The following CHFR variants were observed in gnomAD, a reference collection of about 807,000 sequenced individuals.
CHFR encodes the protein E3 ubiquitin-protein ligase CHFR.
In CHFR, 57 loss-of-function variants were observed where a neutral mutation model predicts 87.6. The ratio of observed to expected loss-of-function variants is 0.65; its 90% confidence interval spans 0.53 to 0.81. CHFR has a LOEUF of 0.81. CHFR is among the 30% of genes least tolerant of loss of function. CHFR has a pLI of 0.00. For synonymous variants in CHFR, 381 were observed against 359.2 expected, an observed-to-expected ratio of 1.06 and a Z score of -0.69; for missense variants, 797 against 865.8, an observed-to-expected ratio of 0.92 and a Z score of 1.00.
intron 7 of CHFR, among the ~76,000 whole-genome samples, chr12:132,860,847 G>C (rs1951194820): frequency 6.6e-6 from 1 of 152,156 alleles, no homozygotes; most frequent in Non-Finnish European, 1.5e-5. Flanking sequence ...CCACCTGCCG[G>C]GTTCAAGCAA....
At chr12:132,857,877 C>CG (rs1363460601) in intron 8 of CHFR, among the ~76,000 whole-genome samples, 1 of 152,222 alleles carries the variant, frequency 6.6e-6, no homozygotes, top group African/African-American at 2.4e-5. Context: ...CCTTCCTCAG[C>CG]GGCTCCTACG....
intron 4 of CHFR, among the ~76,000 whole-genome samples, chr12:132,871,347 A>T (rs890128060): frequency 2.0e-5 from 3 of 151,234 alleles, no homozygotes; most frequent in African/African-American, 4.9e-5. Flanking sequence ...AGCTACCTGG[A>T]AGGCTGAGGC....
intron 11 of CHFR, among the ~76,000 whole-genome samples, chr12:132,851,965 A>G (rs911594911): frequency 6.6e-6 from 1 of 151,798 alleles, no homozygotes; most frequent in Non-Finnish European, 1.5e-5. Flanking sequence ...CTGGAGCAAG[A>G]TTTCAAAGAT....
Position 132,851,672 on chromosome 12 carries a change from T to A in CHFR, c.1438A>T (p.Met480Leu). The A allele has an allele frequency of 6.2e-7, 1 of 1,613,380 alleles. No individual in the cohort carries two copies. The highest frequency in any genetic ancestry group is 8.5e-7 in the Non-Finnish European group (1 of 1,179,958). The change falls in exon 12 of 18, where the codon ATG becomes TTG. Residue 480 changes from methionine (M) to leucine (L), a missense_variant. This residue lies in a region of CHFR where 200 missense variants were observed against 264.6 expected (regional missense o/e 0.76). Coordinates refer to ENST00000450056, the MANE Select transcript of CHFR (RefSeq NM_001161346.2). Reference protein sequence around the residue: ...HALCTCCFQPMPDRRAEREQD... With the variant: ...HALCTCCFQPLPDRRAEREQD... Reference sequence around the variant, plus strand: ...TCGCGCTCCGCTCTCCGGTCGGGCATGGGCTGGAAGCAGCAGGTGCACAGG... The same window carrying A: ...TCGCGCTCCGCTCTCCGGTCGGGCAAGGGCTGGAAGCAGCAGGTGCACAGG...
At chr12:132,861,773 A>G (rs1951215489) in intron 6 of CHFR, 139 bp from the exon 7 acceptor site, 1 of 716,994 alleles carries the variant, frequency 1.4e-6, no homozygotes. Flanking sequence ...GTGGCTTACG[A>G]GGAGTGTGTG....
At chr12:132,854,644 A>G (rs568924507) in intron 10 of CHFR, 2 of 151,338 alleles carry the variant, frequency 1.3e-5, no homozygotes, top group Non-Finnish European at 2.9e-5. Context: ...GTCTCTACCA[A>G]AAATACAAAA....
chr12:132,847,404 T>A, intron 14 of CHFR: 1 of 1,193,044 alleles, frequency 8.4e-7, no homozygotes, highest in South Asian at 1.8e-5. Context: ...CAGGTGTGAA[T>A]GAGACATGAA....
At chr12:132,883,629 A>G (rs1951818894) in intron 2 of CHFR, among the ~76,000 whole-genome samples, 1 of 152,116 alleles carries the variant, frequency 6.6e-6, no homozygotes, top group East Asian at 1.9e-4. Flanking sequence ...TGGGAGGTTG[A>G]GGCAGGAGAA....
At chr12:132,851,500 G>A (rs908151638) in intron 12 of CHFR, 118 bp downstream of exon 12, 2 of 1,225,400 alleles carry the variant, frequency 1.6e-6, no homozygotes, top group South Asian at 3.4e-5. Context: ...TCACACTGAT[G>A]GAAAAAAAGA....
chr12:132,843,456 A>G (rs1167420800), intron 16 of CHFR, among the ~76,000 whole-genome samples: 6 of 152,112 alleles, frequency 3.9e-5, no homozygotes, highest in Non-Finnish European at 7.4e-5. Flanking sequence ...AAATTAAAAA[A>G]TAAAAACCCA....
intron 3 of CHFR, among the ~76,000 whole-genome samples, chr12:132,874,124 T>C (rs1951559905): frequency 6.6e-6 from 1 of 152,248 alleles, no homozygotes; most frequent in African/African-American, 2.4e-5. Context: ...TGTTCAGACC[T>C]GGATTTTAGC....
intron 8 of CHFR, among the ~76,000 whole-genome samples, chr12:132,858,772 G>A (rs1001268411): frequency 1.1e-3 from 79 of 72,054 alleles, no homozygotes; most frequent in East Asian, 1.7e-3. Context: ...AAAATATTTA[G>A]AACATTAAAA....
At position 132,843,077 on chromosome 12, in the gene CHFR, A is replaced by G; in HGVS notation, c.1850T>C (p.Val617Ala). The G allele has an allele frequency of 1.2e-6, 2 of 1,613,098 alleles. No individual in the cohort carries two copies. The highest frequency in any genetic ancestry group is 4.5e-5 in the East Asian group (2 of 44,868). Residue 617 changes from valine to alanine, a missense_variant, in exon 17 of 18, where the codon GTA (valine) becomes GCA (alanine). By Grantham distance (64) the Val-to-Ala change is moderately conservative. Coordinates refer to ENST00000450056, the MANE Select transcript of CHFR (RefSeq NM_001161346.2). ...NIPASELPVA[V>A]TSRPDCYWGR... ...CCAGTAGCAGTCAGGACGGGATGTT[A>G]CGGCCACTGGAAAAAGAGAAGGGGT...
At position 132,844,028 on chromosome 12, in the gene CHFR, T is replaced by C; in HGVS notation, c.1842A>G (p.Pro614=). 6.2e-7 allele frequency: 1 copy of C among 1,609,126 alleles called. No homozygotes were observed. Among genetic ancestry groups the C allele is most frequent in the Non-Finnish European group, 8.5e-7 (1 of 1,175,796 alleles). The change falls in exon 16 of 18, where the codon CCA becomes CCG. Residue 614 remains proline, a splice_region_variant and synonymous_variant. Transcript: ENST00000450056. ...ATGAGGAAGTCGGGGGCTCCTTACCTGGCAACTCGGAAGCAGGAATGTTCT... is the reference window on the plus strand; with the variant it reads ...ATGAGGAAGTCGGGGGCTCCTTACCCGGCAACTCGGAAGCAGGAATGTTCT... ...YRQNIPASEL[P]VAVTSRPDCY...
intron 6 of CHFR, chr12:132,862,301 T>C (rs988531127): frequency 4.0e-6 from 1 of 247,862 alleles, no homozygotes; most frequent in African/African-American, 2.4e-5. Context: ...AAATAAAAAA[T>C]AGAGGTCTGA....
Position 132,856,588 on chromosome 12 carries a change from C to G in CHFR, c.1109G>C (p.Arg370Thr), listed in dbSNP as rs766865645. Reference protein sequence around the residue: ...SEEDVQSMDARNKITQDMLQP... With the variant: ...SEEDVQSMDATNKITQDMLQP... Reference sequence around the variant, plus strand: ...CAGCATGTCTTGAGTGATTTTATTTCTGGCATCCATACTTTGCACATCTTC... The same window carrying G: ...CAGCATGTCTTGAGTGATTTTATTTGTGGCATCCATACTTTGCACATCTTC... Residue 370 changes from arginine (R) to threonine (T), a missense_variant, in exon 10 of 18, where the codon AGA becomes ACA. Physicochemically the swap from Arg to Thr is moderately conservative, Grantham distance 71. Coordinates refer to ENST00000450056, the MANE Select transcript of CHFR (RefSeq NM_001161346.2). 1 of 1,614,188 alleles carries G rather than the reference C, an allele frequency of 6.2e-7. No individual in the cohort carries two copies. Among genetic ancestry groups the G allele is most frequent in the Non-Finnish European group, 8.5e-7 (1 of 1,180,012 alleles).
chr12:132,841,213 T>G lies in CHFR; in HGVS notation c.*341A>C. The G allele has an allele frequency of 4.3e-6, 1 of 234,450 alleles. No individual in the cohort carries two copies. The highest frequency in any genetic ancestry group is 9.5e-5 in the East Asian group (1 of 10,578). 14.5% of individuals were successfully genotyped at this position (234,450 alleles called of 1,614,324 possible). On this transcript the variant is annotated 3_prime_UTR_variant, in exon 18 of 18. Coordinates refer to ENST00000450056, the MANE Select transcript of CHFR (RefSeq NM_001161346.2). ...CTTGAAACTTTTCCTAAAAACAGAC[T>G]TCTGCTTTAACTGTAGTTTCGGAAA...
intron 10 of CHFR, chr12:132,854,246 C>G (rs1205595114): frequency 6.6e-6 from 1 of 151,684 alleles, no homozygotes; most frequent in East Asian, 1.9e-4. Context: ...AGATTACCTA[C>G]TTCTCCTTCT....
chr12:132,853,491 C>T lies in CHFR; in HGVS notation c.1312G>A (p.Glu438Lys), dbSNP rs774658371. 2 of 1,533,790 alleles carry T rather than the reference C, an allele frequency of 1.3e-6. No individual in the cohort carries two copies. Among genetic ancestry groups the T allele is most frequent in the East Asian group, 2.5e-5 (1 of 39,932 alleles). Residue 438 changes from glutamate (E) to lysine (K), a missense_variant, in exon 11 of 18, where the codon GAG (glutamate) becomes AAG (lysine). Around this residue, in one of 2 missense-constraint regions of CHFR, gnomAD observed 597 missense variants for 601.2 expected, o/e 0.99. Coordinates refer to ENST00000450056, the MANE Select transcript of CHFR (RefSeq NM_001161346.2). Reference sequence around the variant, plus strand: ...CCCAGGGCCTGTGGGGCTCCTGGCTCGCCCTCGGGTGCTGGGCAGTGGGGA... The same window carrying T: ...CCCAGGGCCTGTGGGGCTCCTGGCTTGCCCTCGGGTGCTGGGCAGTGGGGA... ...QPPHCPAPEG[E>K]PGAPQALGDA... is the part of the protein sequence containing the mutation.
Sources: gnomAD v4.1 joint callset for allele counts (sites outside exome capture counted in the v4.1 genomes callset) on GRCh38, gnomAD v4.1.1 for gene constraint, gnomAD v4.1.1 regional missense constraint, MANE v1.5 for transcripts, NCBI Gene and HGNC (gene_info 2026-07-23, HGNC 2026-07-21) for gene names.